The following PLCZ1 variants were observed in gnomAD, a reference collection of about 807,000 sequenced individuals.
The protein encoded by PLCZ1 is 1-phosphatidylinositol 4,5-bisphosphate phosphodiesterase zeta-1.
In PLCZ1, 64 loss-of-function variants were observed where a neutral mutation model predicts 76.8. The ratio of observed to expected loss-of-function variants is 0.83; its 90% confidence interval spans 0.68 to 1.03. The LOEUF (loss-of-function observed/expected upper bound fraction) is 1.03. Ranked by LOEUF, PLCZ1 falls within the 50% of genes least tolerant of loss-of-function variation. The pLI is 0.00. For synonymous variants in PLCZ1, 248 were observed against 230.8 expected (o/e 1.07, Z -0.68); for missense variants, 751 against 713.7 (o/e 1.05, Z -0.60).
At chr12:18,655,745 A>T in the PLCZ1 span, among the ~76,000 whole-genome samples, 1 of 45,642 alleles carries the variant, frequency 2.2e-5, no homozygotes, top group African/African-American at 6.6e-5. Context: ...CCCCAACCTT[A>T]TCATGAAAAA....
chr12:18,661,723 G>A, the PLCZ1 span, among the ~76,000 whole-genome samples: 60,429 of 151,912 alleles, frequency 0.4, 14,199 homozygotes, highest in South Asian at 0.59. Flanking sequence ...AGCCATTGTG[G>A]AAAGCAGTTT....
downstream of PLCZ1, chr12:18,683,172 T>C (rs1043437539): frequency 4.5e-6 from 6 of 1,345,630 alleles, no homozygotes; most frequent in Non-Finnish European, 6.4e-6. Flanking sequence ...AAAGAAAACA[T>C]AAAGACATTC....
chr12:18,655,624 G>A, the PLCZ1 span, among the ~76,000 whole-genome samples: 2 of 152,060 alleles, frequency 1.3e-5, no homozygotes, highest in African/African-American at 4.8e-5. Flanking sequence ...CCTCAGGCAG[G>A]TAGTGAAGGT....
intron 3 of PLCZ1, among the ~76,000 whole-genome samples, chr12:18,726,638 T>C (rs1054361556): frequency 6.6e-6 from 1 of 151,000 alleles, no homozygotes; most frequent in Non-Finnish European, 1.5e-5. Context: ...TTCCATATTG[T>C]CACCATTTTC....
At chr12:18,673,121 A>G in the PLCZ1 span, among the ~76,000 whole-genome samples, 4 of 152,334 alleles carry the variant, frequency 2.6e-5, no homozygotes, top group African/African-American at 9.6e-5. Context: ...TCCAAAAGGT[A>G]TGAAGAAGAC....
chr12:18,664,642 C>A, the PLCZ1 span, among the ~76,000 whole-genome samples: 1 of 151,908 alleles, frequency 6.6e-6, no homozygotes, highest in Non-Finnish European at 1.5e-5. Flanking sequence ...TTTGACCCAG[C>A]CATCCCATTA....
At chr12:18,652,724 T>C in the PLCZ1 span, among the ~76,000 whole-genome samples, 2 of 152,160 alleles carry the variant, frequency 1.3e-5, no homozygotes, top group East Asian at 3.9e-4. Context: ...CATACAATGT[T>C]GCAAAGTTCC....
intron 5 of PLCZ1, among the ~76,000 whole-genome samples, chr12:18,714,198 T>C (rs1464760527): frequency 6.6e-6 from 1 of 152,212 alleles, no homozygotes; most frequent in East Asian, 1.9e-4. Context: ...AATATAGTTA[T>C]AGCGTTAAGA....
chr12:18,726,269 C>T (rs995857709), intron 3 of PLCZ1, among the ~76,000 whole-genome samples: 6 of 152,068 alleles, frequency 3.9e-5, no homozygotes, highest in African/African-American at 9.7e-5. Context: ...TAAAATGTTT[C>T]GTATTAATCA....
At chr12:18,701,808 C>T (rs749298598) in intron 7 of PLCZ1, 32 bp from the exon 8 acceptor site, 26 of 1,572,072 alleles carry the variant, frequency 1.7e-5, no homozygotes, top group Non-Finnish European at 2.2e-5. Context: ...TACAATTACA[C>T]ATTTACAAGT....
chr12:18,699,557 G>A (rs1221738880), intron 10 of PLCZ1, among the ~76,000 whole-genome samples: 1 of 152,030 alleles, frequency 6.6e-6, no homozygotes, highest in Non-Finnish European at 1.5e-5. Flanking sequence ...AACAAATGTG[G>A]CCACATCGGA....
chr12:18,647,527 A>G, the PLCZ1 span, among the ~76,000 whole-genome samples: 1 of 151,370 alleles, frequency 6.6e-6, no homozygotes, highest in African/African-American at 2.4e-5. Context: ...TTTTATTTTT[A>G]TGAATACATA....
chr12:18,734,832 C>A (rs562796225), intron 3 of PLCZ1, among the ~76,000 whole-genome samples: 11 of 152,238 alleles, frequency 7.2e-5, no homozygotes, highest in African/African-American at 2.6e-4. Flanking sequence ...GAGTGGGCAT[C>A]CTTGCCTTTT....
chr12:18,719,059 A>G (rs974829229), intron 5 of PLCZ1, among the ~76,000 whole-genome samples: 5 of 152,196 alleles, frequency 3.3e-5, no homozygotes, highest in Non-Finnish European at 7.3e-5. Flanking sequence ...ATGTCTGAGA[A>G]TTAATTTTAA....
intron 10 of PLCZ1, 121 bp downstream of exon 10, chr12:18,699,673 T>G: frequency 9.2e-7 from 1 of 1,089,980 alleles, no homozygotes; most frequent in Non-Finnish European, 1.4e-6. Flanking sequence ...CTAAATTATG[T>G]TAAATGTGTT....
At chr12:18,690,732 G>A (rs1348979104) in intron 12 of PLCZ1, among the ~76,000 whole-genome samples, 1 of 152,108 alleles carries the variant, frequency 6.6e-6, no homozygotes, top group Non-Finnish European at 1.5e-5. Flanking sequence ...TGAAAACTGA[G>A]TCAAAATGAA....
chr12:18,677,338 C>T, the PLCZ1 span, among the ~76,000 whole-genome samples: 3 of 152,070 alleles, frequency 2.0e-5, no homozygotes, highest in Non-Finnish European at 2.9e-5. Context: ...GAATCAGCAC[C>T]GTGCAATCAA....
downstream of PLCZ1, among the ~76,000 whole-genome samples, chr12:18,682,432 G>A (rs1207834480): frequency 1.3e-5 from 2 of 151,976 alleles, no homozygotes; most frequent in Non-Finnish European, 2.9e-5. Context: ...CAATGTGGTA[G>A]AATTAGTATT....
chr12:18,724,909 G>A (rs2150731602), intron 3 of PLCZ1, among the ~76,000 whole-genome samples: 1 of 152,162 alleles, frequency 6.6e-6, no homozygotes, highest in Admixed American at 6.5e-5. Flanking sequence ...ATTATTCACT[G>A]AATAATGACA....
Sources: gnomAD v4.1 joint callset for allele counts (sites outside exome capture counted in the v4.1 genomes callset) on GRCh38, gnomAD v4.1.1 for gene constraint, MANE v1.5 for transcripts, NCBI Gene and HGNC (gene_info 2026-07-23, HGNC 2026-07-21) for gene names.